SMCO2: variants seen among roughly 807,000 people sequenced by gnomAD.
SMCO2 encodes the protein single-pass membrane protein with coiled-coil domains 2, also known as single-pass membrane and coiled-coil domain-containing protein 2.
A neutral mutation model predicts 29.5 loss-of-function variants in SMCO2; 25 were observed. That is an observed-to-expected ratio of 0.85 (90% CI 0.62 to 1.18). SMCO2 has a LOEUF of 1.18. SMCO2 is among the 50% of genes most tolerant of loss of function. SMCO2 has a pLI of 0.00. For missense variants in SMCO2, 348 were observed against 344.5 expected (o/e 1.01, Z -0.08); for synonymous variants, 117 against 123.3 (o/e 0.95, Z 0.34).
At chr12:27,423,397 T>G in the SMCO2 span, 2 of 150,554 alleles carry the variant, frequency 1.3e-5, no homozygotes, top group African/African-American at 4.9e-5. Flanking sequence ...TGGCGCGATC[T>G]TGGCTCACTG....
intron 6 of SMCO2, among the ~76,000 whole-genome samples, chr12:27,494,592 G>C (rs1565683004): frequency 6.6e-6 from 1 of 151,406 alleles, no homozygotes; most frequent in South Asian, 2.1e-4. Context: ...GTCCCATGGT[G>C]GTTTGCTGCA....
the SMCO2 span, among the ~76,000 whole-genome samples, chr12:27,431,276 C>G: frequency 0.14 from 21,231 of 152,106 alleles, 1,600 homozygotes; most frequent in African/African-American, 0.18. Context: ...CCAAAGTGCT[C>G]GGATTACAGG....
intron 7 of SMCO2, chr12:27,498,520 G>A (rs410325): frequency 0.027 from 6,139 of 229,022 alleles, 830 homozygotes; most frequent in African/African-American, 0.14. Context: ...GTACGCTGCT[G>A]CGTGAAGCAG....
the SMCO2 span, chr12:27,424,649 C>G: frequency 3.3e-5 from 5 of 152,190 alleles, no homozygotes. Flanking sequence ...TGTCCAGTTT[C>G]AGATCATGCT....
At chr12:27,461,836 G>T (rs534690532), upstream of SMCO2, among the ~76,000 whole-genome samples, 21 of 152,256 alleles carry the variant, frequency 1.4e-4, no homozygotes, top group African/African-American at 4.8e-4. Context: ...AACAATATTT[G>T]ATTCAGGTCT....
chr12:27,495,038 A>G (rs2135576952), intron 6 of SMCO2, among the ~76,000 whole-genome samples: 1 of 151,970 alleles, frequency 6.6e-6, no homozygotes, highest in African/African-American at 2.4e-5. Flanking sequence ...CCATCTTTGA[A>G]CTCCTCCCAC....
chr12:27,474,912 C>T (rs1949571904), exon 4 of SMCO2: 1 of 1,550,888 alleles, frequency 6.4e-7, no homozygotes, highest in Non-Finnish European at 8.7e-7. Flanking sequence ...CCTCCTTGAA[C>T]TGTAAGTCTT....
the SMCO2 span, among the ~76,000 whole-genome samples, chr12:27,442,606 C>CATTT: frequency 3.3e-5 from 5 of 152,204 alleles, no homozygotes; most frequent in South Asian, 8.3e-4. Flanking sequence ...TTCTACCAAC[C>CATTT]ATTGATTTAT....
intron 7 of SMCO2, chr12:27,496,810 A>G (rs1943010464): frequency 6.6e-6 from 1 of 150,810 alleles, no homozygotes; most frequent in African/African-American, 2.5e-5. Flanking sequence ...CGGACAGCCC[A>G]TGGCATGTTA....
At chr12:27,429,701 G>T in the SMCO2 span, among the ~76,000 whole-genome samples, 1 of 152,246 alleles carries the variant, frequency 6.6e-6, no homozygotes, top group Non-Finnish European at 1.5e-5. Flanking sequence ...TTTTGCTATT[G>T]TGGGTAATAT....
the SMCO2 span, among the ~76,000 whole-genome samples, chr12:27,450,140 T>C: frequency 9.7e-4 from 147 of 152,306 alleles, 1 homozygote; most frequent in African/African-American, 3.4e-3. Context: ...AGGGTAGAGG[T>C]CTGTGGAGCC....
At chr12:27,466,488 G>A (rs1412031521), upstream of SMCO2, among the ~76,000 whole-genome samples, 1 of 152,220 alleles carries the variant, frequency 6.6e-6, no homozygotes, top group Admixed American at 6.5e-5. Flanking sequence ...TTCATTGTCA[G>A]TCTTTGAGCC....
the SMCO2 span, among the ~76,000 whole-genome samples, chr12:27,444,486 A>G: frequency 1.3e-5 from 2 of 152,214 alleles, no homozygotes; most frequent in Non-Finnish European, 2.9e-5. Flanking sequence ...CAAAGCAAAA[A>G]TAGACAATTG....
chr12:27,424,326 C>A, the SMCO2 span: 1 of 152,030 alleles, frequency 6.6e-6, no homozygotes, highest in African/African-American at 2.4e-5. Flanking sequence ...ATCCATGTTA[C>A]CAAATTTAAA....
the SMCO2 span, among the ~76,000 whole-genome samples, chr12:27,440,648 GTTT>G: frequency 7.1e-4 from 87 of 122,362 alleles, no homozygotes; most frequent in Non-Finnish European, 1.2e-3. Context: ...TTTTCTGTGG[GTTT>G]TTTTTTTTTT....
chr12:27,478,485 C>G (rs1949610191), intron 4 of SMCO2, among the ~76,000 whole-genome samples: 1 of 152,086 alleles, frequency 6.6e-6, no homozygotes. Flanking sequence ...CTGACAGTGG[C>G]AATAGTAGCA....
chr12:27,442,749 T>C, the SMCO2 span, among the ~76,000 whole-genome samples: 1 of 152,226 alleles, frequency 6.6e-6, no homozygotes, highest in Non-Finnish European at 1.5e-5. Flanking sequence ...GCTACCTGAA[T>C]AGCTGCAACT....
upstream of SMCO2, among the ~76,000 whole-genome samples, chr12:27,465,549 G>C (rs1949492250): frequency 6.6e-6 from 1 of 152,144 alleles, no homozygotes; most frequent in Non-Finnish European, 1.5e-5. Context: ...TTGAGCTTTT[G>C]GCTGAAGAAA....
the SMCO2 span, among the ~76,000 whole-genome samples, chr12:27,436,963 C>T: frequency 4.6e-5 from 7 of 152,192 alleles, no homozygotes; most frequent in Non-Finnish European, 1.0e-4. Context: ...CATATCACTT[C>T]GCCATGTTCA....
Sources: allele counts gnomAD v4.1 joint callset (sites outside exome capture counted in the v4.1 genomes callset), GRCh38; gene constraint gnomAD v4.1.1; transcripts MANE v1.5; gene names NCBI Gene and HGNC (gene_info 2026-07-23, HGNC 2026-07-21).